TMEM94: variants seen among roughly 807,000 people sequenced by gnomAD.
TMEM94 encodes the protein transmembrane protein 94.
A neutral mutation model predicts 158.6 loss-of-function variants in TMEM94; 81 were observed. The observed-to-expected ratio is 0.51, with a 90% CI of 0.43 to 0.61. The LOEUF is 0.61. Among genes scored for constraint, TMEM94 ranks in the 20% least tolerant of loss-of-function variants. The pLI is 0.00. For missense variants in TMEM94, 1,435 were observed against 1,762.0 expected, an observed-to-expected ratio of 0.81 and a Z score of 3.32; for synonymous variants, 751 against 730.7, an observed-to-expected ratio of 1.03 and a Z score of -0.45.
intron 1 of TMEM94, among the ~76,000 whole-genome samples, chr17:75,468,279 C>T (rs939221699): frequency 8.5e-5 from 13 of 152,224 alleles, no homozygotes; most frequent in African/African-American, 1.4e-4. Flanking sequence ...AACAGAGACT[C>T]TTAGAAAAAT....
chr17:75,493,443 G>C (rs72851929), intron 16 of TMEM94, 48 bp from the exon 17 acceptor site: 2 of 1,577,240 alleles, frequency 1.3e-6, no homozygotes, highest in Non-Finnish European at 1.7e-6. Context: ...TCAGGTCAGC[G>C]TGAGGGGGCT....
intron 1 of TMEM94, among the ~76,000 whole-genome samples, chr17:75,471,359 A>G (rs1396620210): frequency 6.6e-6 from 1 of 152,104 alleles, no homozygotes; most frequent in Non-Finnish European, 1.5e-5. Flanking sequence ...AGTGGAATTC[A>G]TCTAGAGCTG....
At position 75,493,791 on chromosome 17, in the gene TMEM94, A is replaced by G; in HGVS notation, c.2282A>G (p.Gln761Arg). 2 of 1,614,046 alleles carry G rather than the reference A, an allele frequency of 1.2e-6. No individual in the cohort carries two copies. The highest frequency in any genetic ancestry group is 1.7e-6 in the Non-Finnish European group (2 of 1,180,036). ...CCCATGAACTGCGCCCTGTCCTCTC[A>G]GCTCAATGGCAAGTGCATCGAGCTG... ...YKPMNCALSSQLNGKCIELVQ... is the reference protein window; with the variant it reads ...YKPMNCALSSRLNGKCIELVQ... Residue 761 changes from glutamine to arginine, a missense_variant, in exon 18 of 32, where the codon CAG becomes CGG. By Grantham distance (43) the Gln-to-Arg change is conservative. This residue lies in a region of TMEM94 where 1,051 missense variants were observed against 1,254.4 expected (regional missense o/e 0.84). Coordinates refer to ENST00000314256, the MANE Select transcript of TMEM94 (RefSeq NM_014738.6).
rs1339426883 is a variant in TMEM94, at chr17:75,500,079, T to C, written c.*745T>C. On this transcript the variant is annotated 3_prime_UTR_variant, in exon 32 of 32. Coordinates refer to ENST00000314256, the MANE Select transcript of TMEM94 (RefSeq NM_014738.6). ...CTGGTTTGTATTAAAATGTGTCAATTGCTAAGAAATACCTGTGGCTGGTCT... is the reference window on the plus strand; with the variant it reads ...CTGGTTTGTATTAAAATGTGTCAATCGCTAAGAAATACCTGTGGCTGGTCT... 6.6e-6 allele frequency: 1 copy of C among 152,456 alleles called. No homozygotes were observed. Among genetic ancestry groups the C allele is most frequent in the East Asian group, 1.9e-4 (1 of 5,200 alleles). The allele number at this position is 152,456 out of a possible 1,614,324, so 9.4% of individuals were successfully genotyped here.
Position 75,500,189 on chromosome 17 carries a change from C to T in TMEM94, c.*855C>T, listed in dbSNP as rs959719394. 2.0e-5 allele frequency: 3 copies of T among 152,310 alleles called. No homozygotes were observed. The highest frequency in any genetic ancestry group is 4.8e-5 in the African/African-American group (2 of 41,452). The allele number at this position is 152,310 out of a possible 1,614,324, so 9.4% of individuals were successfully genotyped here. ...CTTCCTCCATCTACGCGGGTGGGTC[C>T]CTCAGGTCTGGCTCAGGCGAGACCC... On this transcript the variant is annotated 3_prime_UTR_variant, in exon 32 of 32. Coordinates refer to ENST00000314256, the MANE Select transcript of TMEM94 (RefSeq NM_014738.6).
At position 75,492,485 on chromosome 17, in the gene TMEM94, G is replaced by A. The variant is rs766017911; in HGVS notation, c.1608G>A (p.Gly536=). The A allele has an allele frequency of 6.9e-6, 11 of 1,585,078 alleles. No homozygotes were observed. The highest frequency in any genetic ancestry group is 9.5e-6 in the Non-Finnish European group (11 of 1,161,962). ...CACATTTCCCCCAGACCCAGCCTGG[G>A]ATGGAGAGCGACCCCTACGAAGCAG... ...GEEEPSKTQP[G]MESDPYEAED... Residue 536 remains glycine (G), a synonymous_variant, in exon 15 of 32, where the codon GGG becomes GGA. Coordinates refer to ENST00000314256, the MANE Select transcript of TMEM94 (RefSeq NM_014738.6). This position sits in a 1 kb window ranked among gnomAD's most constrained non-coding sequence, Gnocchi z 4.4.
chr17:75,481,536 T>TA (rs2051159631), intron 2 of TMEM94, among the ~76,000 whole-genome samples: 1 of 152,200 alleles, frequency 6.6e-6, no homozygotes, highest in Non-Finnish European at 1.5e-5. Context: ...GAGCCACTCT[T>TA]ACTTATGGGA....
chr17:75,469,003 A>T (rs550398571), intron 1 of TMEM94, among the ~76,000 whole-genome samples: 1 of 152,272 alleles, frequency 6.6e-6, no homozygotes, highest in South Asian at 2.1e-4. Flanking sequence ...GACGGCTGCC[A>T]GGACGGGAGG....
chr17:75,476,546 C>T lies in TMEM94; in HGVS notation c.24+4617C>T. On this transcript the variant is annotated intron_variant, in intron 2 of 31. Transcript: ENST00000314256. The stretch of plus-strand genomic sequence containing the variant: ...CTGCTCTGCTGCGCCTGATTCTGTG[C>T]AGCACCCGGCTTCTTGCTCACACAC... 7 of 1,452,018 alleles carry T rather than the reference C, an allele frequency of 4.8e-6. No individual in the cohort carries two copies. The East Asian group carries it at 1.7e-4, about 36-fold the overall frequency. The allele number at this position is 1,452,018 out of a possible 1,614,324, so 89.9% of individuals were successfully genotyped here. A position where few individuals can be genotyped will look rare whatever the true frequency, so the allele number is the denominator to read the frequency against.
Position 75,485,296 on chromosome 17 carries a change from G to C in TMEM94, c.25-132G>C. ...GGTCACACCTTGAGAGGCCAGAGCT[G>C]GTAGGGGAAGAGATGTGAGGATCCC... On this transcript the variant is annotated intron_variant, in intron 2 of 31. Coordinates refer to ENST00000314256, the MANE Select transcript of TMEM94 (RefSeq NM_014738.6). The surrounding 1 kb of genome is among the most constrained non-coding windows in gnomAD (Gnocchi z 5.5). 8 of 1,013,264 alleles carry C rather than the reference G, an allele frequency of 7.9e-6. No individual in the cohort carries two copies. Among genetic ancestry groups the C allele is most frequent in the Non-Finnish European group, 1.1e-5 (8 of 697,268 alleles). 62.8% of individuals were successfully genotyped at this position (1,013,264 alleles called of 1,614,324 possible). A position where few individuals can be genotyped will look rare whatever the true frequency, so the allele number is the denominator to read the frequency against.
At chr17:75,472,845 G>T (rs2050548867) in intron 2 of TMEM94, among the ~76,000 whole-genome samples, 1 of 152,074 alleles carries the variant, frequency 6.6e-6, no homozygotes, top group East Asian at 1.9e-4. Flanking sequence ...CCTTTTTCTG[G>T]AAACTTCTTC....
chr17:75,496,277 A>G lies in TMEM94; in HGVS notation c.3054-5A>G, dbSNP rs1253890593. The G allele has an allele frequency of 6.2e-7, 1 of 1,614,136 alleles. No individual in the cohort carries two copies. Among genetic ancestry groups the G allele is most frequent in the South Asian group, 1.1e-5 (1 of 91,086 alleles). ...TGAAGTGTGTGTGTCCCCCACCCTG[A>G]GCAGCATTGCCCTGGATCCCCTGTA... is the stretch of plus-strand genomic sequence containing the variant. On this transcript the variant is annotated splice_region_variant and splice_polypyrimidine_tract_variant and intron_variant, in intron 23 of 31. Transcript: ENST00000314256.
intron 23 of TMEM94, 94 bp downstream of exon 23, chr17:75,496,168 G>A (rs2146856563): frequency 6.5e-7 from 1 of 1,535,758 alleles, no homozygotes; most frequent in East Asian, 2.3e-5. Flanking sequence ...GTGTACTATA[G>A]CCGACCTCGC....
At chr17:75,496,918 C>T (rs942509390) in intron 25 of TMEM94, 111 bp downstream of exon 25, 7 of 1,222,144 alleles carry the variant, frequency 5.7e-6, no homozygotes, top group Middle Eastern at 5.2e-4. Context: ...TCAAGGGGTC[C>T]CCCCAGAGCC....
rs1279082445 is a variant in TMEM94, at chr17:75,491,153, G to A, written c.1233G>A (p.Thr411=). ...SSLLHSLGSV[T]VLCCVDKQGI... ...TGCTGCACAGCCTGGGCTCTGTCAC[G>A]GTGAGGGTGGGCCTTGCGGGGAGGA... Residue 411 remains threonine (T), a splice_region_variant and synonymous_variant, in exon 12 of 32, where the codon ACG becomes ACA. Transcript: ENST00000314256. The surrounding 1 kb of genome is among the most constrained non-coding windows in gnomAD (Gnocchi z 5.1). 3.1e-6 allele frequency: 5 copies of A among 1,607,562 alleles called. No homozygotes were observed. The highest frequency in any genetic ancestry group is 3.4e-6 in the Non-Finnish European group (4 of 1,176,036).
chr17:75,472,218 G>C (rs1328008803), intron 2 of TMEM94, among the ~76,000 whole-genome samples: 1 of 152,230 alleles, frequency 6.6e-6, no homozygotes. Flanking sequence ...GCCCAGGGGT[G>C]TGCAATTTAG....
At position 75,489,645 on chromosome 17, in the gene TMEM94, A is replaced by C. The variant is rs1598402414; in HGVS notation, c.937A>C (p.Thr313Pro). The change falls in exon 9 of 32, where the codon ACC becomes CCC. Residue 313 changes from threonine to proline, a missense_variant. Thr to Pro is a conservative substitution (Grantham distance 38, BLOSUM62 -1). This residue lies in a region of TMEM94 where 1,051 missense variants were observed against 1,254.4 expected (regional missense o/e 0.84). Transcript: ENST00000314256. This position sits in a 1 kb window ranked among gnomAD's most constrained non-coding sequence, Gnocchi z 5.0. ...SAPGVTSWQYTLLQLQVNGVL... is the reference protein window; with the variant it reads ...SAPGVTSWQYPLLQLQVNGVL... ...CCCGGGGGTCACTTCCTGGCAGTAC[A>C]CCCTCCTCCAGCTCCAGGCAAGGAC... The C allele has an allele frequency of 6.2e-7, 1 of 1,613,186 alleles. No individual in the cohort carries two copies. The highest frequency in any genetic ancestry group is 8.5e-7 in the Non-Finnish European group (1 of 1,179,666).
chr17:75,471,594 G>A (rs1018519182), intron 1 of TMEM94, among the ~76,000 whole-genome samples: 8 of 151,918 alleles, frequency 5.3e-5, no homozygotes, highest in Non-Finnish European at 7.4e-5. Flanking sequence ...GGTGATGCAC[G>A]CCTGTCATCC....
Position 75,496,310 on chromosome 17 carries a change from C to A in TMEM94, c.3082C>A (p.Arg1028Ser). Residue 1028 changes from arginine (R) to serine (S), a missense_variant, in exon 24 of 32, where the codon CGT (arginine) becomes AGT (serine). By Grantham distance (110) the Arg-to-Ser change is moderately radical. Coordinates refer to ENST00000314256, the MANE Select transcript of TMEM94 (RefSeq NM_014738.6). ...SIALDPLYPS[R>S]CSWETFGYAT... ...TGCCCTGGATCCCCTGTACCCATCC[C>A]GTTGCTCCTGGGAGACCTTTGGCTA... The A allele has an allele frequency of 6.2e-7, 1 of 1,614,200 alleles. No individual in the cohort carries two copies. The highest frequency in any genetic ancestry group is 8.5e-7 in the Non-Finnish European group (1 of 1,180,038).
Sources: allele counts gnomAD v4.1 joint callset (sites outside exome capture counted in the v4.1 genomes callset), GRCh38; gene constraint gnomAD v4.1.1; regional missense constraint gnomAD v4.1.1; non-coding constraint Gnocchi (gnomAD v3.1); transcripts MANE v1.5; gene names NCBI Gene and HGNC (gene_info 2026-07-23, HGNC 2026-07-21).